LRP1B: variants seen among roughly 807,000 people sequenced by gnomAD.
LRP1B encodes LDL receptor related protein 1B.
LRP1B carries 217 observed loss-of-function variants against 556.6 expected under a neutral mutation model. The observed-to-expected ratio is 0.39, with a 90% confidence interval of 0.35 to 0.44. The LOEUF (loss-of-function observed/expected upper bound fraction) is 0.44, where lower values mean the gene tolerates loss of function less well. Ranked by LOEUF, LRP1B falls within the 20% of genes least tolerant of loss-of-function variation. The pLI, the probability that LRP1B is intolerant of heterozygous loss-of-function variation, is 1.00. For synonymous variants in LRP1B, 2,047 were observed against 1,865.8 expected (o/e 1.10, Z -2.50); for missense variants, 5,053 against 5,620.8 (o/e 0.90, Z 3.23).
chr2:141,903,405 C>T (rs530683843), intron 1 of LRP1B, among the ~76,000 whole-genome samples: 21 of 152,056 alleles, frequency 1.4e-4, no homozygotes, highest in African/African-American at 5.1e-4. Context: ...CACTCCATCT[C>T]ATGAAATTCT....
chr2:140,512,672 G>A (rs1279937627), intron 51 of LRP1B, among the ~76,000 whole-genome samples: 1 of 151,982 alleles, frequency 6.6e-6, no homozygotes, highest in Non-Finnish European at 1.5e-5. Context: ...TTTCAAAATG[G>A]GACCCTTAAT....
chr2:140,680,286 C>T (rs995860098), intron 41 of LRP1B, among the ~76,000 whole-genome samples: 7 of 152,150 alleles, frequency 4.6e-5, no homozygotes, highest in East Asian at 1.9e-4. Context: ...ATACGTGCAC[C>T]GGAGAAAAAC....
intron 1 of LRP1B, among the ~76,000 whole-genome samples, chr2:142,121,073 C>T (rs1243624214): frequency 6.6e-6 from 1 of 152,132 alleles, no homozygotes; most frequent in Non-Finnish European, 1.5e-5. Flanking sequence ...TATTTCATGC[C>T]TATCCTCCCT....
intron 3 of LRP1B, among the ~76,000 whole-genome samples, chr2:141,295,839 G>T (rs754961214): frequency 2.0e-5 from 3 of 148,922 alleles, no homozygotes; most frequent in Non-Finnish European, 4.4e-5. Flanking sequence ...TTAATTTTCT[G>T]TTGCTGACTT....
At chr2:141,038,305 G>A (rs1187855203) in intron 11 of LRP1B, among the ~76,000 whole-genome samples, 2 of 152,000 alleles carry the variant, frequency 1.3e-5, no homozygotes, top group Non-Finnish European at 2.9e-5. Flanking sequence ...TTTGATTTGT[G>A]TGTATATATG....
At chr2:141,414,201 C>T (rs867867154) in intron 3 of LRP1B, among the ~76,000 whole-genome samples, 9 of 137,728 alleles carry the variant, frequency 6.5e-5, no homozygotes, top group Middle Eastern at 7.5e-3. Flanking sequence ...AGCGCCACTG[C>T]ACTCCAGCCT....
chr2:140,437,095 CTCA>C (rs1320449747), intron 66 of LRP1B, among the ~76,000 whole-genome samples: 1 of 152,070 alleles, frequency 6.6e-6, no homozygotes. Context: ...TAAGCAGCAG[CTCA>C]TCAAGAATAA....
At chr2:140,291,103 G>A (rs900640819) in intron 84 of LRP1B, among the ~76,000 whole-genome samples, 1 of 150,632 alleles carries the variant, frequency 6.6e-6, no homozygotes, top group Non-Finnish European at 1.5e-5. Flanking sequence ...TATTACACAT[G>A]TTTACTGAGT....
chr2:141,260,694 T>C (rs1308466191), intron 3 of LRP1B, among the ~76,000 whole-genome samples: 1 of 152,346 alleles, frequency 6.6e-6, no homozygotes, highest in Non-Finnish European at 1.5e-5. Context: ...ACATTGATCA[T>C]GTATTGGATT....
chr2:141,671,057 T>G (rs996769684), intron 2 of LRP1B, among the ~76,000 whole-genome samples: 2 of 152,164 alleles, frequency 1.3e-5, no homozygotes, highest in Non-Finnish European at 2.9e-5. Context: ...GAAGATGAAT[T>G]TTGGTAGACT....
chr2:141,886,191 T>A (rs1395304093), intron 1 of LRP1B, among the ~76,000 whole-genome samples: 1 of 152,202 alleles, frequency 6.6e-6, no homozygotes, highest in Non-Finnish European at 1.5e-5. Flanking sequence ...CCTACATTCA[T>A]GCCTGTAATG....
intron 1 of LRP1B, among the ~76,000 whole-genome samples, chr2:142,067,838 T>C (rs1431721397): frequency 6.6e-6 from 1 of 151,570 alleles, no homozygotes; most frequent in Non-Finnish European, 1.5e-5. Context: ...ACTTTAAACA[T>C]AACACAGATC....
At chr2:140,899,922 T>G (rs1358574645) in intron 23 of LRP1B, among the ~76,000 whole-genome samples, 5 of 152,308 alleles carry the variant, frequency 3.3e-5, no homozygotes, top group East Asian at 1.9e-4. Flanking sequence ...TTTGTATTTA[T>G]AACTCTACTA....
intron 7 of LRP1B, among the ~76,000 whole-genome samples, chr2:141,125,844 CAAAA>C (rs386391362): frequency 9.8e-6 from 1 of 102,190 alleles, no homozygotes; most frequent in Non-Finnish European, 1.8e-5. Context: ...CTTTCAAATG[CAAAA>C]AAAAAAAAAA....
rs553113283 is a variant in LRP1B, at chr2:141,481,575, T to C, written c.206-1042A>G. Among the ~76,000 whole-genome samples, 13 of 152,304 alleles carry C rather than the reference T, an allele frequency of 8.5e-5. No individual in the cohort carries two copies. The South Asian group carries it at 2.3e-3, about 27-fold the overall frequency. On this transcript the variant is annotated intron_variant, in intron 2 of 90. Transcript: ENST00000389484. ...AGTTTTCTCATGTATAAAATGAAAC[T>C]ATCAAATAAGCCTACCTCGTAGGGT...
At chr2:141,303,664 T>C (rs1686477592) in intron 3 of LRP1B, among the ~76,000 whole-genome samples, 2 of 152,186 alleles carry the variant, frequency 1.3e-5, no homozygotes, top group Non-Finnish European at 2.9e-5. Flanking sequence ...TATCCATTCA[T>C]CCAATGATAG....
chr2:141,128,736 T>TTCAAGCAGTTCTC (rs1701278076), intron 7 of LRP1B, among the ~76,000 whole-genome samples: 2 of 152,170 alleles, frequency 1.3e-5, no homozygotes, highest in East Asian at 1.9e-4. Flanking sequence ...TTCTCCTACC[T>TTCAAGCAGTTCTC]CAGCCTCCCG....
At chr2:140,341,838 G>A (rs1280541552) in intron 77 of LRP1B, among the ~76,000 whole-genome samples, 1 of 151,368 alleles carries the variant, frequency 6.6e-6, no homozygotes, top group African/African-American at 2.4e-5. Context: ...GACATACGAT[G>A]ATCAGGTTAA....
At chr2:141,589,583 C>G (rs1687262683) in intron 2 of LRP1B, among the ~76,000 whole-genome samples, 1 of 152,218 alleles carries the variant, frequency 6.6e-6, no homozygotes, top group East Asian at 1.9e-4. Flanking sequence ...CCAAATAACA[C>G]ACTTGTTAAA....
Sources: gnomAD v4.1 joint callset for allele counts (sites outside exome capture counted in the v4.1 genomes callset) on GRCh38, gnomAD v4.1.1 for gene constraint, MANE v1.5 for transcripts, NCBI Gene and HGNC (gene_info 2026-07-23, HGNC 2026-07-21) for gene names.